The following FSTL1 variants were observed in gnomAD, a reference collection of about 807,000 sequenced individuals.
The protein encoded by FSTL1 is follistatin like 1.
FSTL1 carries 24 observed loss-of-function variants against 45.9 expected under a neutral mutation model. That is an observed-to-expected ratio of 0.52 (90% confidence interval 0.38 to 0.74). FSTL1 has a LOEUF of 0.74. Ranked by LOEUF, FSTL1 falls within the 30% of genes least tolerant of loss-of-function variation. The pLI is 0.00. For missense variants in FSTL1, 340 were observed against 381.8 expected, an observed-to-expected ratio of 0.89 and a Z score of 0.91; for synonymous variants, 120 against 137.6, an observed-to-expected ratio of 0.87 and a Z score of 0.89.
chr3:120,412,009 T>C, intron 3 of FSTL1, 26 bp from the exon 4 acceptor site: 1 of 1,599,558 alleles, frequency 6.3e-7, no homozygotes, highest in Non-Finnish European at 8.6e-7. Flanking sequence ...AAGAGAATGT[T>C]TGTGCAGTTA....
At chr3:120,421,879 T>TA (rs567296592) in intron 2 of FSTL1, among the ~76,000 whole-genome samples, 99 of 152,262 alleles carry the variant, frequency 6.5e-4, no homozygotes, top group African/African-American at 1.9e-3. Flanking sequence ...TAGGGAGGGC[T>TA]AAAAAAATAT....
intron 2 of FSTL1, among the ~76,000 whole-genome samples, chr3:120,436,226 C>T (rs1408952833): frequency 6.6e-6 from 1 of 152,178 alleles, no homozygotes; most frequent in African/African-American, 2.4e-5. Context: ...TTGTAACTAT[C>T]CTTTAAAACA....
chr3:120,409,166 A>C (rs753150843), intron 6 of FSTL1, among the ~76,000 whole-genome samples: 2 of 152,220 alleles, frequency 1.3e-5, no homozygotes, highest in Non-Finnish European at 2.9e-5. Context: ...AAGAGGCCAA[A>C]GTGGTCCAGG....
At chr3:120,419,972 T>A (rs1365536099) in intron 2 of FSTL1, among the ~76,000 whole-genome samples, 1 of 151,826 alleles carries the variant, frequency 6.6e-6, no homozygotes, top group Non-Finnish European at 1.5e-5. Flanking sequence ...CATCGGAGAG[T>A]CAGGAAAGCT....
At chr3:120,434,012 T>A (rs1169219333) in intron 2 of FSTL1, among the ~76,000 whole-genome samples, 1 of 152,190 alleles carries the variant, frequency 6.6e-6, no homozygotes, top group South Asian at 2.1e-4. Flanking sequence ...GCTCAGGGAG[T>A]GGCATGATCA....
intron 9 of FSTL1, among the ~76,000 whole-genome samples, chr3:120,401,006 G>T (rs1414048542): frequency 6.6e-6 from 1 of 152,250 alleles, no homozygotes; most frequent in Non-Finnish European, 1.5e-5. Flanking sequence ...TCTGATGCAT[G>T]TGATAGAGAT....
At chr3:120,411,195 T>C in intron 4 of FSTL1, 1 of 498,454 alleles carries the variant, frequency 2.0e-6, no homozygotes, top group Non-Finnish European at 3.7e-6. Flanking sequence ...TTAGGGCCAC[T>C]GAGTTACCCT....
chr3:120,441,959 C>T (rs1432182702), intron 2 of FSTL1, among the ~76,000 whole-genome samples: 2 of 152,198 alleles, frequency 1.3e-5, no homozygotes, highest in Non-Finnish European at 2.9e-5. Flanking sequence ...AGCGCTAAGC[C>T]ATTATGTTAT....
chr3:120,395,711 C>T lies in FSTL1; in HGVS notation c.*1241G>A, dbSNP rs142303836. ...AGAAGGAAAAATCACAGGAACCTAT[C>T]TCCCCTCTGGACCAATGATCAGAAC... On this transcript the variant is annotated 3_prime_UTR_variant, in exon 11 of 11. Transcript: ENST00000295633. 9.4e-6 allele frequency: 5 copies of T among 534,672 alleles called. No homozygotes were observed. Among genetic ancestry groups the T allele is most frequent in the Middle Eastern group, 3.2e-4 (1 of 3,102 alleles). 33.1% of individuals were successfully genotyped at this position (534,672 alleles called of 1,614,324 possible). A position where few individuals can be genotyped will look rare whatever the true frequency, so the allele number is the denominator to read the frequency against.
chr3:120,408,683 T>A (rs1054065843), intron 6 of FSTL1, among the ~76,000 whole-genome samples: 29 of 152,212 alleles, frequency 1.9e-4, no homozygotes, highest in Admixed American at 4.6e-4. Context: ...TCTGAATGTG[T>A]CTGCATGTAG....
intron 5 of FSTL1, chr3:120,410,156 T>C (rs1937023279): frequency 6.2e-6 from 1 of 160,192 alleles, no homozygotes. Flanking sequence ...TCATCCTTTA[T>C]TATGAACAAC....
At position 120,397,006 on chromosome 3, in the gene FSTL1, G is replaced by C. The variant is rs754617565; in HGVS notation, c.883-10C>G. 6 of 1,604,758 alleles carry C rather than the reference G, an allele frequency of 3.7e-6. No homozygotes were observed. The Admixed American group carries it at 8.3e-5, about 22-fold the overall frequency. On this transcript the variant is annotated splice_polypyrimidine_tract_variant and intron_variant, in intron 10 of 10. Coordinates refer to ENST00000295633, the MANE Select transcript of FSTL1 (RefSeq NM_007085.5). Reference sequence around the variant, plus strand: ...TCTTTTCAGCTGTTTCCTTTGAGATGCAAGAGAAAATAGGCGTCATGGAAA... The same window carrying C: ...TCTTTTCAGCTGTTTCCTTTGAGATCCAAGAGAAAATAGGCGTCATGGAAA...
intron 2 of FSTL1, among the ~76,000 whole-genome samples, chr3:120,428,753 A>G (rs919308856): frequency 5.9e-4 from 55 of 92,446 alleles, no homozygotes; most frequent in Non-Finnish European, 1.4e-3. Context: ...ACAAACAGCA[A>G]CAACAACAAC....
chr3:120,408,922 T>C (rs1936997986), intron 6 of FSTL1, among the ~76,000 whole-genome samples: 2 of 152,214 alleles, frequency 1.3e-5, no homozygotes, highest in Admixed American at 1.3e-4. Flanking sequence ...ACCCGAGCCA[T>C]CACTAAATAT....
chr3:120,450,231 AAG>A (rs1014691656), intron 2 of FSTL1, among the ~76,000 whole-genome samples: 1 of 152,320 alleles, frequency 6.6e-6, no homozygotes, highest in African/African-American at 2.4e-5. Context: ...CTCACTTTAA[AAG>A]AGAGAAAGGA....
chr3:120,450,945 C>G lies in FSTL1; in HGVS notation c.-49G>C. On this transcript the variant is annotated 5_prime_UTR_variant, in exon 1 of 11. Transcript: ENST00000295633. ...GGGGCGCGGGGCAGGACGGCGGCAG[C>G]GAGCTGTAAGCGGAGGTGGGAGCTC... The G allele has an allele frequency of 4.2e-6, 2 of 473,156 alleles. No homozygotes were observed. Among genetic ancestry groups the G allele is most frequent in the South Asian group, 7.0e-5 (2 of 28,488 alleles). The allele number at this position is 473,156 out of a possible 1,614,324, so 29.3% of individuals were successfully genotyped here.
rs1166518390 is a variant in FSTL1, at chr3:120,450,566, G to A, written c.63+118C>T. 3 of 598,418 alleles carry A rather than the reference G, an allele frequency of 5.0e-6. No homozygotes were observed. The Admixed American group carries it at 1.1e-4, about 23-fold the overall frequency. 37.1% of individuals were successfully genotyped at this position (598,418 alleles called of 1,614,324 possible). A position where few individuals can be genotyped will look rare whatever the true frequency, so the allele number is the denominator to read the frequency against. Reference sequence around the variant, plus strand: ...CAGCTCCACCCCAGCACACCCCAAGGACCGAAACTCCCAGCGCCACCCCGG... The same window carrying A: ...CAGCTCCACCCCAGCACACCCCAAGAACCGAAACTCCCAGCGCCACCCCGG... On this transcript the variant is annotated intron_variant, in intron 2 of 10. Coordinates refer to ENST00000295633, the MANE Select transcript of FSTL1 (RefSeq NM_007085.5).
At chr3:120,436,069 A>AG (rs1430547499) in intron 2 of FSTL1, among the ~76,000 whole-genome samples, 1 of 151,912 alleles carries the variant, frequency 6.6e-6, no homozygotes, top group Non-Finnish European at 1.5e-5. Flanking sequence ...TTGTAAAAAA[A>AG]AAAAAGTATC....
At position 120,403,247 on chromosome 3, in the gene FSTL1, T is replaced by C; in HGVS notation, c.689A>G (p.Glu230Gly). The C allele has an allele frequency of 6.4e-7, 1 of 1,565,202 alleles. No individual in the cohort carries two copies. The highest frequency in any genetic ancestry group is 8.8e-7 in the Non-Finnish European group (1 of 1,135,332). Residue 230 changes from glutamate (E) to glycine (G), a missense_variant, in exon 8 of 11, where the codon GAG (glutamate) becomes GGG (glycine). Glu to Gly is a moderately conservative substitution (Grantham distance 98, BLOSUM62 -2). Transcript: ENST00000295633. ...ATTTCTTAGGTTAGGCATACTCTTCTCAGGAGGGTTGAAAGATGGGTTGAG... is the reference window on the plus strand; with the variant it reads ...ATTTCTTAGGTTAGGCATACTCTTCCCAGGAGGGTTGAAAGATGGGTTGAG... ...KCLNPSFNPP[E>G]KKCALEDETY... is the part of the protein sequence containing the mutation.
Sources: gnomAD v4.1 joint callset for allele counts (sites outside exome capture counted in the v4.1 genomes callset) on GRCh38, gnomAD v4.1.1 for gene constraint, MANE v1.5 for transcripts, NCBI Gene and HGNC (gene_info 2026-07-23, HGNC 2026-07-21) for gene names.